IL1RAP: variants seen among roughly 807,000 people sequenced by gnomAD.
IL1RAP encodes interleukin-1 receptor accessory protein.
In IL1RAP, 35 loss-of-function variants were observed where a neutral mutation model predicts 60.7. The observed-to-expected ratio is 0.58, with a 90% confidence interval of 0.44 to 0.76. The LOEUF is 0.76. Ranked by LOEUF, IL1RAP falls within the 30% of genes least tolerant of loss-of-function variation. The pLI is 0.00. For synonymous variants in IL1RAP, 268 were observed against 250.9 expected (o/e 1.07, Z -0.64); for missense variants, 572 against 693.9 (o/e 0.82, Z 1.97).
intron 1 of IL1RAP, among the ~76,000 whole-genome samples, chr3:190,532,178 G>A (rs1405887654): frequency 1.3e-5 from 2 of 151,852 alleles, no homozygotes; most frequent in Non-Finnish European, 2.9e-5. Flanking sequence ...TAGTAATGAG[G>A]GGAAAAAAGG....
chr3:190,527,545 G>C (rs1328379260), intron 1 of IL1RAP, among the ~76,000 whole-genome samples: 1 of 152,128 alleles, frequency 6.6e-6, no homozygotes, highest in African/African-American at 2.4e-5. Context: ...GGCAAAGGTT[G>C]CATGTGGAAG....
Position 190,629,506 on chromosome 3 carries a change from A to G in IL1RAP, c.1051+8A>G. 1 of 1,605,988 alleles carries G rather than the reference A, an allele frequency of 6.2e-7. No homozygotes were observed. On this transcript the variant is annotated splice_region_variant and intron_variant, in intron 9 of 11. Transcript: ENST00000447382. The stretch of plus-strand genomic sequence containing the variant: ...CCAAGGTGAAGCAGAAAGGTAATAG[A>G]TGCGGTCAGTGATGAATCTCTCAGC...
intron 9 of IL1RAP, among the ~76,000 whole-genome samples, chr3:190,631,026 A>G (rs1038460368): frequency 2.0e-5 from 3 of 152,212 alleles, no homozygotes; most frequent in Non-Finnish European, 2.9e-5. Context: ...TTATCATCAA[A>G]TAAGTATCAT....
intron 9 of IL1RAP, among the ~76,000 whole-genome samples, chr3:190,639,338 C>T (rs1733475272): frequency 6.6e-6 from 1 of 152,118 alleles, no homozygotes; most frequent in East Asian, 1.9e-4. Context: ...CTTTTTCATC[C>T]TTTTCCCTGC....
At chr3:190,614,254 G>C (rs1450875524) in intron 5 of IL1RAP, among the ~76,000 whole-genome samples, 1 of 150,562 alleles carries the variant, frequency 6.6e-6, no homozygotes, top group Non-Finnish European at 1.5e-5. Flanking sequence ...AAGTCTATGA[G>C]GATTAAAAGA....
chr3:190,611,505 T>C (rs147921772), intron 5 of IL1RAP, among the ~76,000 whole-genome samples: 1 of 152,180 alleles, frequency 6.6e-6, no homozygotes, highest in African/African-American at 2.4e-5. Context: ...AAGAAACATA[T>C]AAGACATTTA....
intron 2 of IL1RAP, among the ~76,000 whole-genome samples, chr3:190,559,283 C>T (rs889143320): frequency 4.2e-4 from 64 of 152,236 alleles, no homozygotes; most frequent in African/African-American, 1.4e-3. Flanking sequence ...CCTTACTTAA[C>T]GTATCACCTG....
At chr3:190,571,751 G>A (rs755984866) in intron 3 of IL1RAP, among the ~76,000 whole-genome samples, 11 of 152,234 alleles carry the variant, frequency 7.2e-5, no homozygotes, top group South Asian at 6.2e-4. Context: ...TGTCCAACCC[G>A]TGGCCCGCGG....
At chr3:190,656,670 G>A (rs1409380828) in exon 12 of IL1RAP, 5 of 944,358 alleles carry the variant, frequency 5.3e-6, no homozygotes, top group Non-Finnish European at 7.6e-6. Flanking sequence ...ATGAACCTGT[G>A]GGAAAATCTG....
chr3:190,564,945 T>C (rs1299186030), intron 3 of IL1RAP, among the ~76,000 whole-genome samples: 2 of 152,122 alleles, frequency 1.3e-5, no homozygotes, highest in African/African-American at 4.8e-5. Flanking sequence ...ACTTGCTATT[T>C]GAAAGTCCAT....
At chr3:190,644,442 T>C in intron 10 of IL1RAP, 45 bp downstream of exon 10, 1 of 1,397,992 alleles carries the variant, frequency 7.2e-7, no homozygotes, top group Middle Eastern at 1.8e-4. Flanking sequence ...CTGTCATCTT[T>C]AGAACATATG....
At chr3:190,577,144 T>C (rs1213265360) in intron 3 of IL1RAP, among the ~76,000 whole-genome samples, 1 of 150,816 alleles carries the variant, frequency 6.6e-6, no homozygotes, top group African/African-American at 2.4e-5. Flanking sequence ...TAAGTAACAT[T>C]GGAAACAATA....
At chr3:190,557,979 C>T (rs951928507) in intron 2 of IL1RAP, among the ~76,000 whole-genome samples, 5 of 152,122 alleles carry the variant, frequency 3.3e-5, no homozygotes, top group African/African-American at 1.2e-4. Flanking sequence ...GATCTGTTCT[C>T]GGTCACTCCA....
intron 3 of IL1RAP, among the ~76,000 whole-genome samples, chr3:190,579,074 T>C (rs1272543751): frequency 1.3e-5 from 2 of 152,222 alleles, no homozygotes; most frequent in East Asian, 3.8e-4. Context: ...CATTTAAACA[T>C]ATCTCTTTGT....
chr3:190,591,806 G>A (rs1728961942), intron 3 of IL1RAP, among the ~76,000 whole-genome samples: 1 of 151,862 alleles, frequency 6.6e-6, no homozygotes, highest in Admixed American at 6.6e-5. Flanking sequence ...TAGCTTGGAG[G>A]GAAAAAAACC....
At chr3:190,599,037 C>T (rs1049098734) in intron 3 of IL1RAP, among the ~76,000 whole-genome samples, 3 of 152,068 alleles carry the variant, frequency 2.0e-5, no homozygotes, top group African/African-American at 7.2e-5. Context: ...TCACATTTTT[C>T]ACACTGTTAA....
Position 190,648,318 on chromosome 3 carries a change from A to G in IL1RAP, c.1346-20A>G, listed in dbSNP as rs775891585. 3.2e-6 allele frequency: 5 copies of G among 1,557,882 alleles called. No individual in the cohort carries two copies. Among genetic ancestry groups the G allele is most frequent in the South Asian group, 1.2e-5 (1 of 80,218 alleles). On this transcript the variant is annotated intron_variant, in intron 11 of 11. Coordinates refer to ENST00000447382, the MANE Select transcript of IL1RAP (RefSeq NM_002182.4). ...GAGTTTTTGGCCAACACTAATCCCC[A>G]TGGTTGTTTTCTTTCCCAGTTGTCA...
chr3:190,529,214 A>G (rs536326633), intron 1 of IL1RAP, among the ~76,000 whole-genome samples: 22 of 152,124 alleles, frequency 1.4e-4, no homozygotes, highest in Non-Finnish European at 1.3e-4. Flanking sequence ...CAGACGGAGG[A>G]GTTTAAAGGG....
rs757008989 is a variant in IL1RAP, at chr3:190,621,842, G to C, written c.703+1402G>C. On this transcript the variant is annotated intron_variant, in intron 6 of 11. Coordinates refer to ENST00000447382, the MANE Select transcript of IL1RAP (RefSeq NM_002182.4). The stretch of plus-strand genomic sequence containing the variant: ...TGCATTTTTATATGGTTAATATATG[G>C]CCAAATCAGGATTAGAACTTGGTTA... Among the ~76,000 whole-genome samples the C allele has an allele frequency of 3.6e-4, 55 of 152,240 alleles. 1 individual carries two copies. In the Middle Eastern group the frequency reaches 0.01, roughly 28 times the overall value.
Sources: gnomAD v4.1 joint callset for allele counts (sites outside exome capture counted in the v4.1 genomes callset) on GRCh38, gnomAD v4.1.1 for gene constraint, MANE v1.5 for transcripts, NCBI Gene and HGNC (gene_info 2026-07-23, HGNC 2026-07-21) for gene names.